The following AKAP6 variants were observed in gnomAD, a reference collection of about 807,000 sequenced individuals.
The protein encoded by AKAP6 is A-kinase anchor protein 6.
Under a neutral mutation model 188.5 loss-of-function variants are expected in AKAP6, and 58 were observed. That is an observed-to-expected ratio of 0.31 (90% CI 0.25 to 0.38). The LOEUF is 0.38. Among genes scored for constraint, AKAP6 ranks in the 10% least tolerant of loss-of-function variants. AKAP6 has a pLI of 1.00. For synonymous variants in AKAP6, 989 were observed against 998.6 expected, an observed-to-expected ratio of 0.99 and a Z score of 0.18; for missense variants, 2,710 against 2,740.0, an observed-to-expected ratio of 0.99 and a Z score of 0.24.
rs1434429035 is a variant in AKAP6 at position 32,546,306 on chromosome 14, A to G, written c.1653A>G (p.Thr551=). ...IEGPQTNSAS[T]SSLEPCNQRS... is the part of the protein sequence containing the mutation. ...GGCCACAAACAAATTCTGCTTCCAC[A>G]TCCTCACTTGAGCCTTGTAATCAGA... The change falls in exon 4 of 14, where the codon ACA becomes ACG. Residue 551 remains threonine (T), a synonymous_variant. Transcript: ENST00000280979. 1.2e-6 allele frequency: 2 copies of G among 1,614,164 alleles called. No homozygotes were observed. Among genetic ancestry groups the G allele is most frequent in the East Asian group, 4.5e-5 (2 of 44,876 alleles).
intron 4 of AKAP6, among the ~76,000 whole-genome samples, chr14:32,572,143 G>T (rs1346756186): frequency 6.6e-6 from 1 of 152,130 alleles, no homozygotes; most frequent in African/African-American, 2.4e-5. Context: ...GTTTCTAGAG[G>T]GTGGTGTGGT....
At chr14:32,400,930 G>A (rs1004098868) in intron 1 of AKAP6, among the ~76,000 whole-genome samples, 2 of 152,156 alleles carry the variant, frequency 1.3e-5, no homozygotes, top group African/African-American at 2.4e-5. Context: ...CTTTCCACTT[G>A]AGACTAGTTT....
chr14:32,647,042 T>A (rs1241701914), intron 7 of AKAP6, among the ~76,000 whole-genome samples: 2 of 152,172 alleles, frequency 1.3e-5, no homozygotes, highest in East Asian at 1.9e-4. Context: ...GCATACCATG[T>A]CACTGTATCC....
chr14:32,780,295 C>T (rs1032845998), intron 12 of AKAP6, among the ~76,000 whole-genome samples: 3 of 150,550 alleles, frequency 2.0e-5, no homozygotes, highest in African/African-American at 7.3e-5. Flanking sequence ...AAACCAGACA[C>T]AGAAAGAAAA....
intron 12 of AKAP6, among the ~76,000 whole-genome samples, chr14:32,807,523 T>C (rs1223288942): frequency 2.0e-5 from 3 of 152,174 alleles, no homozygotes; most frequent in South Asian, 2.1e-4. Flanking sequence ...CATGTGATTA[T>C]CCTAAGTACA....
In AKAP6 at chr14:32,373,181, A is replaced by T. The variant is rs574313125; in HGVS notation, c.-35+43773A>T. On this transcript the variant is annotated intron_variant, in intron 1 of 13. Transcript: ENST00000280979. The stretch of plus-strand genomic sequence containing the variant: ...AGAGCCGATTCATCAGGACAGGGGA[A>T]CTGTAATAGAAAAAGAGTAATTCAC... 8.5e-5 allele frequency among the ~76,000 whole-genome samples: 13 copies of T among 152,152 alleles called. No homozygotes were observed. The East Asian group carries it at 2.5e-3, about 29-fold the overall frequency.
intron 1 of AKAP6, among the ~76,000 whole-genome samples, chr14:32,366,976 G>T (rs1034478358): frequency 1.3e-5 from 2 of 152,062 alleles, no homozygotes; most frequent in African/African-American, 4.8e-5. Flanking sequence ...TGAAGCTCTG[G>T]AATAGGTTCT....
intron 5 of AKAP6, among the ~76,000 whole-genome samples, chr14:32,595,312 T>C (rs1174356322): frequency 6.6e-6 from 1 of 152,042 alleles, no homozygotes; most frequent in Non-Finnish European, 1.5e-5. Flanking sequence ...CTCTCCTGCT[T>C]GCACCCTGCC....
chr14:32,585,514 G>GTGTA, intron 5 of AKAP6, among the ~76,000 whole-genome samples: 1 of 150,984 alleles, frequency 6.6e-6, no homozygotes, highest in Middle Eastern at 3.4e-3. Flanking sequence ...GTGTGTGTGT[G>GTGTA]TATGTACAAC....
intron 11 of AKAP6, among the ~76,000 whole-genome samples, chr14:32,754,561 T>C (rs996525421): frequency 6.6e-6 from 1 of 152,212 alleles, no homozygotes; most frequent in Non-Finnish European, 1.5e-5. Flanking sequence ...TATTGGAATA[T>C]TCTGAATTTG....
In AKAP6 at chr14:32,835,669, A is replaced by T. The variant is rs1407810319; in HGVS notation, c.*5864A>T. The T allele has an allele frequency of 1.3e-5, 2 of 152,362 alleles. No homozygotes were observed. The highest frequency in any genetic ancestry group is 1.3e-4 in the Admixed American group (2 of 15,304). 9.4% of individuals were successfully genotyped at this position (152,362 alleles called of 1,614,324 possible). ...CCTTCAGTTCCCAACTGCTGAATTT[A>T]CCAAGGAATTAAGTATTCACCACAA... On this transcript the variant is annotated 3_prime_UTR_variant, in exon 14 of 14. Transcript: ENST00000280979.
intron 7 of AKAP6, among the ~76,000 whole-genome samples, chr14:32,666,991 T>G (rs1187166213): frequency 6.6e-6 from 1 of 152,112 alleles, no homozygotes; most frequent in Non-Finnish European, 1.5e-5. Flanking sequence ...AAAAGTGAAG[T>G]CTTTTTATTG....
chr14:32,386,029 C>T (rs1397004120), intron 1 of AKAP6, among the ~76,000 whole-genome samples: 8 of 150,770 alleles, frequency 5.3e-5, no homozygotes, highest in Non-Finnish European at 4.4e-5. Context: ...ATCTATCTAT[C>T]TACATCTCAC....
At chr14:32,458,272 G>A (rs117912619) in intron 2 of AKAP6, among the ~76,000 whole-genome samples, 5,609 of 152,134 alleles carry the variant, frequency 0.037, 124 homozygotes, top group East Asian at 0.099. Context: ...ATAACTATGA[G>A]CTGAGAGTTG....
intron 7 of AKAP6, among the ~76,000 whole-genome samples, chr14:32,676,000 G>A (rs574120446): frequency 5.1e-4 from 78 of 152,264 alleles, no homozygotes; most frequent in African/African-American, 1.8e-3. Flanking sequence ...ACATTTGTGA[G>A]GTCATTACCC....
intron 12 of AKAP6, among the ~76,000 whole-genome samples, chr14:32,800,768 A>G (rs548951191): frequency 5.1e-4 from 77 of 152,276 alleles, no homozygotes; most frequent in Non-Finnish European, 9.7e-4. Flanking sequence ...TAATCCCAGC[A>G]TTTTGGGAGG....
chr14:32,786,297 T>TGTTTTTTTTTTTTTTG (rs1566710091), intron 12 of AKAP6, among the ~76,000 whole-genome samples: 4 of 83,378 alleles, frequency 4.8e-5, no homozygotes, highest in African/African-American at 1.4e-4. Context: ...TAAACCTTTA[T>TGTTTTTTTTTTTTTTG]CTTTTTTTTT....
Position 32,822,908 on chromosome 14 carries a change from CT to C in AKAP6, c.5098del (p.Cys1700AlafsTer23). The C allele has an allele frequency of 6.2e-7, 1 of 1,613,922 alleles. No homozygotes were observed. The highest frequency in any genetic ancestry group is 8.5e-7 in the Non-Finnish European group (1 of 1,179,928). The part of the protein sequence containing the change: ...TELSSSDELS[L>X]CSEDIVLHKN... ...ACTTAGCAGCAGTGACGAGCTCTCT[CT>C]TTGCTCAGAGGATATTGTGTTACAC... is the stretch of plus-strand genomic sequence containing the variant. On this transcript the variant is annotated frameshift_variant, in exon 13 of 14. Transcript: ENST00000280979. LOFTEE classifies it high-confidence loss of function.
rs151043708 is a variant in AKAP6 at position 32,810,398 on chromosome 14, C to T, written c.3589-11004C>T. Reference sequence around the variant, plus strand: ...CTGACATTTAAAACTCTCAAGAGCCCGTGTAAGAGCCCAGGACAAGAACTT... The same window carrying T: ...CTGACATTTAAAACTCTCAAGAGCCTGTGTAAGAGCCCAGGACAAGAACTT... On this transcript the variant is annotated intron_variant, in intron 12 of 13. Transcript: ENST00000280979. Among the ~76,000 whole-genome samples the T allele has an allele frequency of 1.8e-3, 274 of 152,062 alleles. 2 individuals are homozygous for T. The highest frequency in any genetic ancestry group is 6.0e-3 in the African/African-American group (250 of 41,466).
Sources: allele counts gnomAD v4.1 joint callset (sites outside exome capture counted in the v4.1 genomes callset), GRCh38; gene constraint gnomAD v4.1.1; transcripts MANE v1.5; gene names NCBI Gene and HGNC (gene_info 2026-07-23, HGNC 2026-07-21).